The following TSC1 variants were observed in gnomAD, a reference collection of about 807,000 sequenced individuals.
The protein encoded by TSC1 is hamartin.
TSC1 carries 20 observed loss-of-function variants against 124.3 expected under a neutral mutation model. That is an observed-to-expected ratio of 0.16 (90% CI 0.11 to 0.23). The LOEUF (loss-of-function observed/expected upper bound fraction) is 0.23. Ranked by LOEUF, TSC1 falls within the 10% of genes least tolerant of loss-of-function variation. TSC1 has a pLI of 1.00. For missense variants in TSC1, 1,124 were observed against 1,448.5 expected, an observed-to-expected ratio of 0.78 and a Z score of 3.64; for synonymous variants, 493 against 539.1, an observed-to-expected ratio of 0.91 and a Z score of 1.19.
At chr9:132,914,027 T>C (rs1248121606) in intron 8 of TSC1, among the ~76,000 whole-genome samples, 1 of 148,730 alleles carries the variant, frequency 6.7e-6, no homozygotes, top group Non-Finnish European at 1.5e-5. Context: ...GTCTCCCGAG[T>C]AGCTGGGATT....
At chr9:132,917,409 C>A (rs1477134287) in intron 8 of TSC1, among the ~76,000 whole-genome samples, 1 of 152,202 alleles carries the variant, frequency 6.6e-6, no homozygotes, top group Non-Finnish European at 1.5e-5. Context: ...CGGCTCACTG[C>A]AACCTCTGCC....
Position 132,891,907 on chromosome 9 carries a change from T to C in TSC1, c.*4328A>G. 4.3e-6 allele frequency: 1 copy of C among 233,516 alleles called. No individual in the cohort carries two copies. Among genetic ancestry groups the C allele is most frequent in the East Asian group, 6.0e-5 (1 of 16,564 alleles). 14.5% of individuals were successfully genotyped at this position (233,516 alleles called of 1,614,324 possible). ...AGGGTTGGTCTGGGGGTTCTCAGAC[T>C]CTCAGGGTTTCCACTGAAAGGTCCA... On this transcript the variant is annotated 3_prime_UTR_variant, in exon 23 of 23. Coordinates refer to ENST00000298552, the MANE Select transcript of TSC1 (RefSeq NM_000368.5).
Position 132,897,200 on chromosome 9 carries a change from C to T in TSC1, c.2959G>A (p.Glu987Lys), listed in dbSNP as rs1845116114. Residue 987 changes from glutamate to lysine, a missense_variant, in exon 22 of 23, where the codon GAA becomes AAA. Glu to Lys is a moderately conservative substitution (Grantham distance 56). This residue lies in a region of TSC1 where 325 missense variants were observed against 383.4 expected (regional missense o/e 0.85). Coordinates refer to ENST00000298552, the MANE Select transcript of TSC1 (RefSeq NM_000368.5). ...TGTTCCTACCTTTCTTCTGCTGCTT[C>T]AGCTGCTTCTGCTTTTTCTTCTTCA... Reference protein sequence around the residue: ...KLEEEKAEAAEAAEERLDCCN... With the variant: ...KLEEEKAEAAKAAEERLDCCN... The T allele has an allele frequency of 1.2e-6, 2 of 1,614,176 alleles. No individual in the cohort carries two copies. Among genetic ancestry groups the T allele is most frequent in the Non-Finnish European group, 1.7e-6 (2 of 1,180,040 alleles).
rs1845380611 is a variant in TSC1 at position 132,901,675 on chromosome 9, T to C, written c.2416A>G (p.Met806Val). Residue 806 changes from methionine (M) to valine (V), a missense_variant, in exon 19 of 23, where the codon ATG becomes GTG. This residue lies in a region of TSC1 where 321 missense variants were observed against 397.4 expected (regional missense o/e 0.81). Coordinates refer to ENST00000298552, the MANE Select transcript of TSC1 (RefSeq NM_000368.5). Reference sequence around the variant, plus strand: ...AGTTCTATCCGCAGCTCCGCAATCATGTTCCTGCAGTCCTCCAGCTTCGTC... The same window carrying C: ...AGTTCTATCCGCAGCTCCGCAATCACGTTCCTGCAGTCCTCCAGCTTCGTC... ...LQTKLEDCRNMIAELRIELKK... is the reference protein window; with the variant it reads ...LQTKLEDCRNVIAELRIELKK... 1 of 1,614,076 alleles carries C rather than the reference T, an allele frequency of 6.2e-7. No homozygotes were observed. Among genetic ancestry groups the C allele is most frequent in the Non-Finnish European group, 8.5e-7 (1 of 1,180,018 alleles).
chr9:132,922,952 C>T (rs111741094), intron 6 of TSC1, among the ~76,000 whole-genome samples: 1,967 of 152,240 alleles, frequency 0.013, 17 homozygotes, highest in Non-Finnish European at 0.021. Flanking sequence ...ACAGGTACAA[C>T]GAGTGGGTTC....
chr9:132,911,167 C>A (rs1433844018), intron 10 of TSC1, 54 bp from the exon 11 acceptor site: 1 of 1,425,368 alleles, frequency 7.0e-7, no homozygotes, highest in Non-Finnish European at 9.9e-7. Flanking sequence ...AAGTCATCCA[C>A]GAGGTTTATA....
intron 1 of TSC1, among the ~76,000 whole-genome samples, chr9:132,935,404 T>G (rs1847408039): frequency 6.6e-6 from 1 of 152,242 alleles, no homozygotes; most frequent in African/African-American, 2.4e-5. Context: ...CGGGTTAAAA[T>G]CCAAGCTCTG....
At chr9:132,898,148 A>C (rs1845184089) in intron 20 of TSC1, among the ~76,000 whole-genome samples, 1 of 152,184 alleles carries the variant, frequency 6.6e-6, no homozygotes, top group Admixed American at 6.5e-5. Context: ...CCCCCTCCTG[A>C]CAATAGCGCA....
intron 1 of TSC1, among the ~76,000 whole-genome samples, chr9:132,944,241 G>A (rs1278279523): frequency 2.6e-5 from 4 of 151,994 alleles, no homozygotes; most frequent in Non-Finnish European, 5.9e-5. Flanking sequence ...GGCCCACCTC[G>A]CCCCTGCCCG....
At chr9:132,907,542 T>A (rs1845737129) in intron 12 of TSC1, among the ~76,000 whole-genome samples, 172 bp from the exon 13 acceptor site, 1 of 150,226 alleles carries the variant, frequency 6.7e-6, no homozygotes, top group East Asian at 1.9e-4. Context: ...CAGGCTGGAG[T>A]GCAATGGCAC....
chr9:132,938,384 T>G (rs1176769778), intron 1 of TSC1, among the ~76,000 whole-genome samples: 6 of 152,320 alleles, frequency 3.9e-5, no homozygotes, highest in East Asian at 1.9e-4. Flanking sequence ...GATCTAGACT[T>G]TTTTCCCTTT....
chr9:132,908,792 G>A (rs755597947), intron 12 of TSC1, among the ~76,000 whole-genome samples: 4 of 151,394 alleles, frequency 2.6e-5, no homozygotes, highest in Non-Finnish European at 4.4e-5. Context: ...AATCATCTTT[G>A]TTATTACACC....
rs748487106 is a variant in TSC1, at chr9:132,904,436, C to G, written c.2016G>C (p.Lys672Asn). 6.2e-7 allele frequency: 1 copy of G among 1,613,962 alleles called. No individual in the cohort carries two copies. Among genetic ancestry groups the G allele is most frequent in the African/African-American group, 1.3e-5 (1 of 74,926 alleles). The change falls in exon 16 of 23, where the codon AAG becomes AAC. Residue 672 changes from lysine to asparagine, a missense_variant. Lys to Asn is a moderately conservative substitution (Grantham distance 94, BLOSUM62 0). Around this residue, in one of 5 missense-constraint regions of TSC1, gnomAD observed 321 missense variants for 397.4 expected, o/e 0.81. Transcript: ENST00000298552. Reference protein sequence around the residue: ...KELNKLPLPSKSVDWTHFGGS... With the variant: ...KELNKLPLPSNSVDWTHFGGS... The stretch of plus-strand genomic sequence containing the variant: ...CTCCAAAGTGGGTCCAGTCGACAGA[C>G]TTGCTGGGTAAAGGCAACCTAGGAA...
chr9:132,903,756 C>T lies in TSC1; in HGVS notation c.2103G>A (p.Gln701=), dbSNP rs118203639. 1.2e-6 allele frequency: 2 copies of T among 1,613,860 alleles called. No individual in the cohort carries two copies. Among genetic ancestry groups the T allele is most frequent in the Non-Finnish European group, 1.7e-6 (2 of 1,180,036 alleles). Residue 701 remains glutamine, a synonymous_variant, in exon 17 of 23, where the codon CAG becomes CAA. Coordinates refer to ENST00000298552, the MANE Select transcript of TSC1 (RefSeq NM_000368.5). The surrounding 1 kb of genome is among the most constrained non-coding windows in gnomAD (Gnocchi z 5.9). ...GCCTCTTAAAACGCTCATAGAGTAA[C>T]TGGTTGTGCAGTAAAAGCAACTGGT... The part of the protein sequence containing the change: ...LRDQLLLLHN[Q]LLYERFKRQQ...
intron 1 of TSC1, chr9:132,941,280 A>G (rs1040034804): frequency 6.6e-6 from 1 of 152,262 alleles, no homozygotes; most frequent in African/African-American, 2.4e-5. Context: ...GTCCTGAGAC[A>G]GTGTATTTTA....
intron 8 of TSC1, among the ~76,000 whole-genome samples, chr9:132,920,821 C>T (rs1224103431): frequency 6.6e-6 from 1 of 152,016 alleles, no homozygotes; most frequent in Non-Finnish European, 1.5e-5. Context: ...CTCAGTTCCA[C>T]TCTCCACTGT....
Position 132,905,700 on chromosome 9 carries a change from C to T in TSC1, c.1878G>A (p.Glu626=), listed in dbSNP as rs753424167. 47 of 1,614,090 alleles carry T rather than the reference C, an allele frequency of 2.9e-5. No homozygotes were observed. Among genetic ancestry groups the T allele is most frequent in the Non-Finnish European group, 3.6e-5 (43 of 1,180,048 alleles). ...AHHFVIRKTE[E]LLKKAKGNTE... is the part of the protein sequence containing the mutation. ...TGTTTCCTTTTGCTTTCTTTAACAG[C>T]TCCTCAGTCTTCCTGATGACAAAAT... Residue 626 remains glutamate, a synonymous_variant, in exon 15 of 23, where the codon GAG becomes GAA. Transcript: ENST00000298552.
At chr9:132,933,540 T>A (rs1404380971) in intron 2 of TSC1, among the ~76,000 whole-genome samples, 1 of 152,178 alleles carries the variant, frequency 6.6e-6, no homozygotes, top group African/African-American at 2.4e-5. Flanking sequence ...AAGCTATGAA[T>A]CCCAGGTACA....
At chr9:132,900,948 A>T in intron 19 of TSC1, 111 bp from the exon 20 acceptor site, 1 of 1,508,640 alleles carries the variant, frequency 6.6e-7, no homozygotes, top group Non-Finnish European at 9.1e-7. Flanking sequence ...TTAAGGCAAA[A>T]TAAACCAGTC....
Sources: allele counts gnomAD v4.1 joint callset (sites outside exome capture counted in the v4.1 genomes callset), GRCh38; gene constraint gnomAD v4.1.1; regional missense constraint gnomAD v4.1.1; non-coding constraint Gnocchi (gnomAD v3.1); transcripts MANE v1.5; gene names NCBI Gene and HGNC (gene_info 2026-07-23, HGNC 2026-07-21).